ULK4: variants seen among roughly 807,000 people sequenced by gnomAD.
ULK4 encodes inactive serine/threonine-protein kinase ULK4.
A neutral mutation model predicts 160.6 loss-of-function variants in ULK4; 133 were observed. That is an observed-to-expected ratio of 0.83 (90% CI 0.72 to 0.96). The LOEUF is 0.96. ULK4 is among the 40% of genes least tolerant of loss of function. The probability of loss-of-function intolerance (pLI) is 0.00; values close to 1 mark genes in which losing one functional copy is unlikely to be tolerated. For missense variants in ULK4, 1,580 were observed against 1,499.5 expected (o/e 1.05, Z -0.89); for synonymous variants, 534 against 539.8 (o/e 0.99, Z 0.15).
At chr3:41,559,765 G>T (rs192930228) in intron 32 of ULK4, among the ~76,000 whole-genome samples, 1 of 151,932 alleles carries the variant, frequency 6.6e-6, no homozygotes, top group Admixed American at 6.6e-5. Context: ...TGCAGATTCT[G>T]GATATTAGCC....
intron 20 of ULK4, among the ~76,000 whole-genome samples, chr3:41,797,893 GAAAACAAAAGAAAAC>G (rs1231258942): frequency 8.2e-5 from 12 of 145,758 alleles, no homozygotes; most frequent in African/African-American, 2.6e-4. Flanking sequence ...GGAAAGAAAA[GAAAACAAAAGAAAAC>G]AAAACAAAAG....
intron 27 of ULK4, among the ~76,000 whole-genome samples, chr3:41,689,514 T>C (rs2125803330): frequency 6.6e-6 from 1 of 152,066 alleles, no homozygotes; most frequent in East Asian, 1.9e-4. Flanking sequence ...ACCTACAAAA[T>C]GGGAGAAAAT....
rs115214319 is a variant in ULK4, at chr3:41,291,669, G to T, written c.3679-42095C>A. Among the ~76,000 whole-genome samples, 338 of 151,704 alleles carry T rather than the reference G, an allele frequency of 2.2e-3. 1 individual carries two copies. The highest frequency in any genetic ancestry group is 7.8e-3 in the African/African-American group (323 of 41,314). Reference sequence around the variant, plus strand: ...AACACTACTCAGCAGTTAAAATAAAGAAACTAATCTACACGAGTAAACATT... The same window carrying T: ...AACACTACTCAGCAGTTAAAATAAATAAACTAATCTACACGAGTAAACATT... On this transcript the variant is annotated intron_variant, in intron 35 of 36. Transcript: ENST00000301831.
At chr3:41,610,766 ATTGT>A (rs1197447986) in intron 31 of ULK4, among the ~76,000 whole-genome samples, 2 of 152,222 alleles carry the variant, frequency 1.3e-5, no homozygotes, top group African/African-American at 4.8e-5. Flanking sequence ...TTGCTCTTTA[ATTGT>A]TTATTTTGGA....
chr3:41,795,403 C>T (rs1465282373), intron 20 of ULK4, among the ~76,000 whole-genome samples: 1 of 152,116 alleles, frequency 6.6e-6, no homozygotes, highest in Non-Finnish European at 1.5e-5. Context: ...TTTAATCTTA[C>T]TAACCTCTGC....
intron 35 of ULK4, among the ~76,000 whole-genome samples, chr3:41,339,765 T>A (rs868825614): frequency 1.3e-5 from 2 of 152,318 alleles, no homozygotes; most frequent in South Asian, 4.1e-4. Flanking sequence ...AGGAAAAACA[T>A]CCCTTTCTAA....
chr3:41,306,725 G>C (rs1451048468), intron 35 of ULK4, among the ~76,000 whole-genome samples: 1 of 152,186 alleles, frequency 6.6e-6, no homozygotes, highest in Non-Finnish European at 1.5e-5. Flanking sequence ...GTGGGGAAAA[G>C]ATTGAGAAAT....
At chr3:41,250,461 T>C (rs1362718829) in intron 35 of ULK4, among the ~76,000 whole-genome samples, 1 of 152,236 alleles carries the variant, frequency 6.6e-6, no homozygotes, top group African/African-American at 2.4e-5. Context: ...GTATATATCA[T>C]GTTTTATTTA....
chr3:41,586,234 T>C (rs941744186), intron 31 of ULK4, among the ~76,000 whole-genome samples: 2 of 152,230 alleles, frequency 1.3e-5, no homozygotes, highest in Non-Finnish European at 2.9e-5. Context: ...GTAGCTAAGA[T>C]ATGGAATCAA....
intron 30 of ULK4, among the ~76,000 whole-genome samples, chr3:41,651,644 A>T (rs1201277114): frequency 6.6e-6 from 1 of 152,232 alleles, no homozygotes; most frequent in South Asian, 2.1e-4. Context: ...TATGATATAA[A>T]TAAACTATAA....
At chr3:41,733,102 AG>A (rs2037889359) in intron 22 of ULK4, among the ~76,000 whole-genome samples, 3 of 152,268 alleles carry the variant, frequency 2.0e-5, no homozygotes, top group Admixed American at 1.3e-4. Context: ...ACCAGAAGAG[AG>A]GATTTTTAAT....
At chr3:41,419,780 G>C (rs1487542861) in intron 34 of ULK4, among the ~76,000 whole-genome samples, 1 of 152,110 alleles carries the variant, frequency 6.6e-6, no homozygotes, top group African/African-American at 2.4e-5. Context: ...AACTGAGGAA[G>C]GGCATAAGAA....
chr3:41,954,872 T>G lies in ULK4; in HGVS notation c.-48-65A>C. ...AGTTGCATAATTAATTAGCCTAGGA[T>G]AATTAGCCTAGGATATTATATGTGT... is the stretch of plus-strand genomic sequence containing the variant. On this transcript the variant is annotated intron_variant, in intron 1 of 36. Coordinates refer to ENST00000301831, the MANE Select transcript of ULK4 (RefSeq NM_017886.4). 4 of 1,072,950 alleles carry G rather than the reference T, an allele frequency of 3.7e-6. No homozygotes were observed. In the South Asian group the frequency reaches 6.8e-5, roughly 18 times the overall value. 66.5% of individuals were successfully genotyped at this position (1,072,950 alleles called of 1,614,324 possible).
intron 35 of ULK4, among the ~76,000 whole-genome samples, chr3:41,263,483 C>T (rs2078980988): frequency 6.6e-6 from 1 of 152,208 alleles, no homozygotes; most frequent in Admixed American, 6.5e-5. Flanking sequence ...CAGCTTCCTT[C>T]TTTCCCCAGT....
chr3:41,518,499 T>C (rs1198112915), intron 32 of ULK4, among the ~76,000 whole-genome samples: 1 of 152,232 alleles, frequency 6.6e-6, no homozygotes, highest in Non-Finnish European at 1.5e-5. Flanking sequence ...GGTTGACTAT[T>C]AGCTTTGTTT....
intron 17 of ULK4, among the ~76,000 whole-genome samples, chr3:41,837,781 G>C (rs935345220): frequency 6.6e-6 from 1 of 152,010 alleles, no homozygotes; most frequent in African/African-American, 2.4e-5. Context: ...GGGTAGTTTC[G>C]AACTCCTGAC....
At chr3:41,361,733 CATA>C (rs1474617831) in intron 35 of ULK4, among the ~76,000 whole-genome samples, 2 of 151,972 alleles carry the variant, frequency 1.3e-5, no homozygotes, top group East Asian at 1.9e-4. Flanking sequence ...ATGAAATATT[CATA>C]ATAATAAAAT....
At chr3:41,938,970 TA>T in intron 2 of ULK4, among the ~76,000 whole-genome samples, 1 of 152,258 alleles carries the variant, frequency 6.6e-6, no homozygotes, top group Non-Finnish European at 1.5e-5. Context: ...AATAACACAA[TA>T]GGTCACTAAG....
chr3:41,385,913 G>A (rs1423219482), intron 35 of ULK4, among the ~76,000 whole-genome samples: 1 of 152,132 alleles, frequency 6.6e-6, no homozygotes, highest in East Asian at 1.9e-4. Flanking sequence ...CTTTCACATT[G>A]TTTTGTCTTT....
Sources: gnomAD v4.1 joint callset for allele counts (sites outside exome capture counted in the v4.1 genomes callset) on GRCh38, gnomAD v4.1.1 for gene constraint, MANE v1.5 for transcripts, NCBI Gene and HGNC (gene_info 2026-07-23, HGNC 2026-07-21) for gene names.